ZNF200: variants seen among roughly 807,000 people sequenced by gnomAD.
The protein encoded by ZNF200 is zinc finger protein 200.
A neutral mutation model predicts 33.6 loss-of-function variants in ZNF200; 35 were observed. That is an observed-to-expected ratio of 1.04 (90% CI 0.80 to 1.38). ZNF200 has a LOEUF of 1.38. Among genes scored for constraint, ZNF200 ranks in the 40% most tolerant of loss-of-function variants. The pLI, the probability that ZNF200 is intolerant of heterozygous loss-of-function variation, is 0.00. For synonymous variants in ZNF200, 209 were observed against 167.7 expected (o/e 1.25, Z -1.90); for missense variants, 592 against 470.6 (o/e 1.26, Z -2.39).
At chr16:3,233,926 G>T in intron 1 of ZNF200, 90 bp from the exon 2 acceptor site, 41 of 1,020,554 alleles carry the variant, frequency 4.0e-5, no homozygotes, top group East Asian at 8.8e-5. Flanking sequence ...GGCTACATGA[G>T]ATCTAAAGAA....
At chr16:3,230,092 G>C (rs545573473) in intron 4 of ZNF200, among the ~76,000 whole-genome samples, 2 of 152,302 alleles carry the variant, frequency 1.3e-5, no homozygotes, top group South Asian at 4.1e-4. Context: ...CTGTTTAAAA[G>C]AGCCTGGCAC....
intron 3 of ZNF200, 54 bp downstream of exon 3, chr16:3,232,779 G>A: frequency 6.4e-7 from 1 of 1,571,824 alleles, no homozygotes; most frequent in Non-Finnish European, 8.7e-7. Context: ...CACACAGGTT[G>A]GCCAAGCACG....
chr16:3,223,655 A>C lies in ZNF200; in HGVS notation c.*237T>G. The C allele has an allele frequency of 2.0e-6, 1 of 493,900 alleles. No individual in the cohort carries two copies. Among genetic ancestry groups the C allele is most frequent in the East Asian group, 3.5e-5 (1 of 28,432 alleles). The allele number at this position is 493,900 out of a possible 1,614,324, so 30.6% of individuals were successfully genotyped here. The stretch of plus-strand genomic sequence containing the variant: ...CTGTACATTATCATATAACTTCAAA[A>C]AGGAAAGCTCCTTAGTCCAAAAAGC... On this transcript the variant is annotated 3_prime_UTR_variant, in exon 5 of 5. Transcript: ENST00000414144.
rs773313055 is a variant in ZNF200, at chr16:3,222,980, G to C, written c.*912C>G. The C allele has an allele frequency of 1.3e-5, 2 of 152,286 alleles. No homozygotes were observed. Among genetic ancestry groups the C allele is most frequent in the African/African-American group, 4.8e-5 (2 of 41,458 alleles). 9.4% of individuals were successfully genotyped at this position (152,286 alleles called of 1,614,324 possible). On this transcript the variant is annotated 3_prime_UTR_variant, in exon 5 of 5. Transcript: ENST00000414144. The stretch of plus-strand genomic sequence containing the variant: ...CTAAGCATATGGTAAGGTTATTGAT[G>C]AGACATGGATCCAAGCCAACTTTTT...
intron 4 of ZNF200, among the ~76,000 whole-genome samples, chr16:3,229,701 TA>T (rs962368574): frequency 6.6e-6 from 1 of 151,954 alleles, no homozygotes; most frequent in African/African-American, 2.4e-5. Context: ...CTGTCTCTAC[TA>T]AAAATACAAA....
At chr16:3,228,570 C>G (rs1194517281) in intron 4 of ZNF200, among the ~76,000 whole-genome samples, 1 of 152,072 alleles carries the variant, frequency 6.6e-6, no homozygotes, top group African/African-American at 2.4e-5. Context: ...TCTCAGCTCA[C>G]TGCAACCTCT....
rs561041648 is a variant in ZNF200, at chr16:3,228,683, G to A, written c.466+3738C>T. On this transcript the variant is annotated intron_variant, in intron 4 of 4. Coordinates refer to ENST00000414144, the MANE Select transcript of ZNF200 (RefSeq NM_198088.3). ...CTAACTTTTGTATATTTTTTTTTTA[G>A]TAGAGATGGGGTTTTGCTATGTTGG... is the stretch of plus-strand genomic sequence containing the variant. 2.0e-5 allele frequency among the ~76,000 whole-genome samples: 3 copies of A among 151,592 alleles called. No individual in the cohort carries two copies. In the South Asian group the frequency reaches 6.2e-4, roughly 32 times the overall value.
intron 4 of ZNF200, chr16:3,227,382 A>G (rs1958499930): frequency 6.6e-6 from 1 of 152,268 alleles, no homozygotes; most frequent in African/African-American, 2.4e-5. Flanking sequence ...TTTGTTTTAA[A>G]CATTTAAAAT....
intron 4 of ZNF200, chr16:3,225,799 G>C (rs1192736664): frequency 6.6e-6 from 1 of 152,084 alleles, no homozygotes; most frequent in Non-Finnish European, 1.5e-5. Context: ...CAGGCCTACT[G>C]AGAGTCAAGG....
chr16:3,228,270 T>A (rs918818949), intron 4 of ZNF200, among the ~76,000 whole-genome samples: 1 of 152,134 alleles, frequency 6.6e-6, no homozygotes, highest in Non-Finnish European at 1.5e-5. Flanking sequence ...AATGGTCTCA[T>A]TTTTTCCCAT....
At chr16:3,232,598 G>C (rs916468813) in intron 3 of ZNF200, 51 bp from the exon 4 acceptor site, 3 of 1,600,984 alleles carry the variant, frequency 1.9e-6, no homozygotes, top group Non-Finnish European at 2.6e-6. Flanking sequence ...TTCACTGACA[G>C]CCCTACTGGT....
intron 4 of ZNF200, among the ~76,000 whole-genome samples, chr16:3,228,853 C>A (rs1958552088): frequency 6.6e-6 from 1 of 152,122 alleles, no homozygotes; most frequent in Admixed American, 6.6e-5. Flanking sequence ...CAAACTATAT[C>A]AGCAACCTTG....
At chr16:3,229,820 C>A (rs977027934) in intron 4 of ZNF200, among the ~76,000 whole-genome samples, 3 of 151,750 alleles carry the variant, frequency 2.0e-5, no homozygotes, top group Admixed American at 2.0e-4. Flanking sequence ...AAGCCAAGAT[C>A]GCACCACTGC....
rs1958414840 is a variant in ZNF200, at chr16:3,224,407, C to G, written c.673G>C (p.Asp225His). The part of the protein sequence containing the change: ...MRNLLVTIEN[D>H]TPLEELSKYV... ...TTTGAGAGTTCCTCTAGAGGAGTAT[C>G]ATTCTCAATGGTAACTAACAGATTT... The change falls in exon 5 of 5, where the codon GAT becomes CAT. Residue 225 changes from aspartate (D) to histidine (H), a missense_variant. Asp to His is a moderately conservative substitution (Grantham distance 81). Coordinates refer to ENST00000414144, the MANE Select transcript of ZNF200 (RefSeq NM_198088.3). 6.2e-7 allele frequency: 1 copy of G among 1,614,172 alleles called. No individual in the cohort carries two copies. The highest frequency in any genetic ancestry group is 8.5e-7 in the Non-Finnish European group (1 of 1,180,012).
rs1001539162 is a variant in ZNF200 at position 3,223,469 on chromosome 16, G to C, written c.*423C>G. 2 of 157,892 alleles carry C rather than the reference G, an allele frequency of 1.3e-5. No individual in the cohort carries two copies. The highest frequency in any genetic ancestry group is 2.4e-5 in the African/African-American group (1 of 41,618). The allele number at this position is 157,892 out of a possible 1,614,324, so 9.8% of individuals were successfully genotyped here. On this transcript the variant is annotated 3_prime_UTR_variant, in exon 5 of 5. Transcript: ENST00000414144. Reference sequence around the variant, plus strand: ...AGCCAGTAATTTGGTTCTTTCACCAGAACACAGTTCCAGATAAGCATCTTT... The same window carrying C: ...AGCCAGTAATTTGGTTCTTTCACCACAACACAGTTCCAGATAAGCATCTTT...
chr16:3,233,847 A>C lies in ZNF200; in HGVS notation c.-81-11T>G, dbSNP rs1221483874. ...TGCCAGAGAGCCAAGCTGTAGACAGAGAAACCAGGGATTACCCAAAAGACC... is the reference window on the plus strand; with the variant it reads ...TGCCAGAGAGCCAAGCTGTAGACAGCGAAACCAGGGATTACCCAAAAGACC... On this transcript the variant is annotated splice_polypyrimidine_tract_variant and intron_variant, in intron 1 of 4. Coordinates refer to ENST00000414144, the MANE Select transcript of ZNF200 (RefSeq NM_198088.3). 6.6e-7 allele frequency: 1 copy of C among 1,510,674 alleles called. No homozygotes were observed. The highest frequency in any genetic ancestry group is 1.4e-5 in the African/African-American group (1 of 71,322). The allele number at this position is 1,510,674 out of a possible 1,614,324, so 93.6% of individuals were successfully genotyped here.
At chr16:3,232,582 C>A (rs183555739) in intron 3 of ZNF200, 35 bp from the exon 4 acceptor site, 1 of 1,608,382 alleles carries the variant, frequency 6.2e-7, no homozygotes, top group Non-Finnish European at 8.5e-7. Flanking sequence ...ATCTTAGTAA[C>A]TGAGGTTCAC....
intron 1 of ZNF200, 143 bp from the exon 2 acceptor site, chr16:3,233,979 T>C (rs1393909702): frequency 7.6e-6 from 4 of 528,918 alleles, no homozygotes; most frequent in Non-Finnish European, 9.4e-6. Flanking sequence ...AACGCAGTAT[T>C]TGAACAAGAT....
chr16:3,234,636 C>G (rs990837677), intron 1 of ZNF200: 1 of 152,266 alleles, frequency 6.6e-6, no homozygotes, highest in Non-Finnish European at 1.5e-5. Context: ...CATACTGTAC[C>G]CCTCGAACCG....
Sources: allele counts gnomAD v4.1 joint callset (sites outside exome capture counted in the v4.1 genomes callset), GRCh38; gene constraint gnomAD v4.1.1; transcripts MANE v1.5; gene names NCBI Gene and HGNC (gene_info 2026-07-23, HGNC 2026-07-21).